The following TRIM5 variants were observed in gnomAD, a reference collection of about 807,000 sequenced individuals.
The protein encoded by TRIM5 is tripartite motif containing 5, also known as tripartite motif-containing protein 5.
TRIM5 carries 31 observed loss-of-function variants against 35.6 expected under a neutral mutation model. The observed-to-expected ratio is 0.87, with a 90% CI of 0.65 to 1.18. The LOEUF (loss-of-function observed/expected upper bound fraction) is 1.18. TRIM5 is among the 50% of genes most tolerant of loss of function. The pLI, the probability that TRIM5 is intolerant of heterozygous loss-of-function variation, is 0.00. For missense variants in TRIM5, 609 were observed against 591.6 expected (o/e 1.03, Z -0.31); for synonymous variants, 243 against 215.6 (o/e 1.13, Z -1.11).
chr11:5,598,938 A>G, the TRIM5 span, among the ~76,000 whole-genome samples: 1 of 152,048 alleles, frequency 6.6e-6, no homozygotes, highest in South Asian at 2.1e-4. Context: ...TCACCCTTCA[A>G]ATTTCCTTAT....
At chr11:5,668,306 G>C (rs936216134) in intron 4 of TRIM5, among the ~76,000 whole-genome samples, 1 of 145,940 alleles carries the variant, frequency 6.9e-6, no homozygotes, top group African/African-American at 2.7e-5. Flanking sequence ...AAATAAACAA[G>C]AAAACATATA....
At chr11:5,666,133 G>C (rs575750279) in intron 5 of TRIM5, 52 bp from the exon 6 acceptor site, 1 of 1,459,102 alleles carries the variant, frequency 6.9e-7, no homozygotes, top group Non-Finnish European at 9.4e-7. Flanking sequence ...CCTTGTGTCC[G>C]TGGAACACCC....
the TRIM5 span, among the ~76,000 whole-genome samples, chr11:5,656,455 G>A: frequency 0.14 from 20,958 of 150,948 alleles, 1,938 homozygotes; most frequent in East Asian, 0.42. Context: ...CCAGGTTCAA[G>A]CAATTCTTCC....
In TRIM5 at chr11:5,678,281, G is replaced by A. The variant is rs752519943; in HGVS notation, c.667C>T (p.Gln223Ter). The change falls in exon 4 of 8, where the codon CAG (glutamine) becomes TAG (stop). Residue 223 changes from glutamine to a stop codon, truncating the protein, a stop_gained. Transcript: ENST00000380034. LOFTEE classifies it high-confidence loss of function. Reference sequence around the variant, plus strand: ...AGCTCTCTCAGGGACTGGGTCTGCTGCACCATCTCAGTTTCAGAGTTCGTA... The same window carrying A: ...AGCTCTCTCAGGGACTGGGTCTGCTACACCATCTCAGTTTCAGAGTTCGTA... The part of the protein sequence containing the change: ...SLTNSETEMV[Q>*]QTQSLRELIS... 1.9e-6 allele frequency: 3 copies of A among 1,614,102 alleles called. No homozygotes were observed. Among genetic ancestry groups the A allele is most frequent in the Non-Finnish European group, 2.5e-6 (3 of 1,179,976 alleles).
chr11:5,680,588 A>G (rs939378484), intron 1 of TRIM5, among the ~76,000 whole-genome samples: 1 of 152,200 alleles, frequency 6.6e-6, no homozygotes, highest in Non-Finnish European at 1.5e-5. Context: ...ACACATCCTC[A>G]GTATTAAAAT....
At chr11:5,679,706 A>G (rs766714609) in intron 2 of TRIM5, 55 bp downstream of exon 2, 6 of 1,506,060 alleles carry the variant, frequency 4.0e-6, no homozygotes, top group Middle Eastern at 2.1e-4. Context: ...CAAAGTGAAA[A>G]TTTTCCATCT....
intron 4 of TRIM5, 75 bp from the exon 5 acceptor site, chr11:5,667,786 C>T (rs1851257779): frequency 2.0e-6 from 3 of 1,529,422 alleles, no homozygotes; most frequent in Non-Finnish European, 1.8e-6. Context: ...TCACATTTCC[C>T]CCGGTTCCTA....
At chr11:5,604,079 T>G in the TRIM5 span, among the ~76,000 whole-genome samples, 1 of 152,132 alleles carries the variant, frequency 6.6e-6, no homozygotes, top group African/African-American at 2.4e-5. Context: ...CACTGCAACC[T>G]CCGCCTCCCG....
the TRIM5 span, among the ~76,000 whole-genome samples, chr11:5,616,989 G>A: frequency 2.8e-5 from 4 of 141,588 alleles, 1 homozygote; most frequent in African/African-American, 7.8e-5. Context: ...CACCTGCCTC[G>A]GCCTCTCAAA....
At chr11:5,605,388 C>T in the TRIM5 span, 9 of 1,613,970 alleles carry the variant, frequency 5.6e-6, no homozygotes, top group South Asian at 3.3e-5. Flanking sequence ...TAATCAGCTG[C>T]GAAATATCCT....
chr11:5,599,347 G>C, the TRIM5 span, among the ~76,000 whole-genome samples: 32 of 151,352 alleles, frequency 2.1e-4, no homozygotes, highest in African/African-American at 7.3e-4. Context: ...ATTGGAATTG[G>C]ACTTTCAATT....
chr11:5,650,343 T>G, the TRIM5 span, among the ~76,000 whole-genome samples: 1 of 152,186 alleles, frequency 6.6e-6, no homozygotes, highest in East Asian at 1.9e-4. Context: ...ATATGAACAA[T>G]TGGTTGCACT....
At chr11:5,660,226 C>T (rs531252073), downstream of TRIM5, among the ~76,000 whole-genome samples, 38 of 152,300 alleles carry the variant, frequency 2.5e-4, no homozygotes, top group East Asian at 7.1e-3. Context: ...CTGCCCACCT[C>T]AGCCTCCCAA....
rs1367408561 is a variant in TRIM5 at position 5,663,567 on chromosome 11, A to G, written c.*1242T>C. ...ATCAAGACACTTAGATAGATGCTTT[A>G]TACTTCAGGAATTTATTTTTTCACA... On this transcript the variant is annotated 3_prime_UTR_variant, in exon 8 of 8. Transcript: ENST00000380034. 3 of 971,520 alleles carry G rather than the reference A, an allele frequency of 3.1e-6. No homozygotes were observed. The highest frequency in any genetic ancestry group is 1.1e-4 in the East Asian group (1 of 8,776). The allele number at this position is 971,520 out of a possible 1,614,324, so 60.2% of individuals were successfully genotyped here.
intron 4 of TRIM5, among the ~76,000 whole-genome samples, chr11:5,670,216 C>T (rs1444402833): frequency 1.8e-5 from 2 of 111,120 alleles, no homozygotes; most frequent in African/African-American, 7.2e-5. Context: ...CTCACTCTGT[C>T]ACCCAGGCTG....
chr11:5,623,290 G>T, the TRIM5 span, among the ~76,000 whole-genome samples: 3 of 151,910 alleles, frequency 2.0e-5, no homozygotes, highest in Non-Finnish European at 2.9e-5. Context: ...ATAAGGAAAA[G>T]AAATCTGAAA....
chr11:5,596,800 T>G, the TRIM5 span: 1 of 1,591,890 alleles, frequency 6.3e-7, no homozygotes, highest in African/African-American at 1.3e-5. Context: ...GCGCGCTCTG[T>G]TCCTTAAGAT....
At position 5,678,031 on chromosome 11, in the gene TRIM5, G is replaced by A. The variant is rs550991750; in HGVS notation, c.744+173C>T. 2.3e-4 allele frequency: 131 copies of A among 566,610 alleles called. 1 individual carries two copies. In the South Asian group the frequency reaches 3.7e-3, roughly 16 times the overall value. The allele number at this position is 566,610 out of a possible 1,614,324, so 35.1% of individuals were successfully genotyped here. A position where few individuals can be genotyped will look rare whatever the true frequency, so the allele number is the denominator to read the frequency against. ...GCTCTGGATAAATTAATAAAAATGG[G>A]ATTATCTCTTGCTACTTCTACATTC... On this transcript the variant is annotated intron_variant, in intron 4 of 7. Coordinates refer to ENST00000380034, the MANE Select transcript of TRIM5 (RefSeq NM_033034.3).
At chr11:5,610,084 A>T in the TRIM5 span, 1 of 1,569,896 alleles carries the variant, frequency 6.4e-7, no homozygotes, top group Non-Finnish European at 8.8e-7. Flanking sequence ...GGTAAGGGAG[A>T]TGGGTGGTGG....
Sources: gnomAD v4.1 joint callset for allele counts (sites outside exome capture counted in the v4.1 genomes callset) on GRCh38, gnomAD v4.1.1 for gene constraint, MANE v1.5 for transcripts, NCBI Gene and HGNC (gene_info 2026-07-23, HGNC 2026-07-21) for gene names.